KIF16B: variants seen among roughly 807,000 people sequenced by gnomAD.
KIF16B encodes kinesin-like protein KIF16B.
In KIF16B, 98 loss-of-function variants were observed where a neutral mutation model predicts 156.3. The observed-to-expected ratio is 0.63, with a 90% confidence interval of 0.53 to 0.74. KIF16B has a LOEUF of 0.74. KIF16B is among the 30% of genes least tolerant of loss of function. The pLI is 0.00. For synonymous variants in KIF16B, 564 were observed against 583.7 expected (o/e 0.97, Z 0.49); for missense variants, 1,421 against 1,606.5 (o/e 0.88, Z 1.97).
chr20:16,463,907 AAG>A (rs770600231), intron 12 of KIF16B, among the ~76,000 whole-genome samples: 4 of 152,166 alleles, frequency 2.6e-5, no homozygotes, highest in Non-Finnish European at 4.4e-5. Context: ...AAACATTTCA[AAG>A]ATTTGAGAAC....
intron 12 of KIF16B, among the ~76,000 whole-genome samples, chr20:16,474,916 C>T (rs976058835): frequency 1.3e-5 from 2 of 152,188 alleles, no homozygotes; most frequent in African/African-American, 4.8e-5. Flanking sequence ...TTAGCACCTG[C>T]AACAATTTAT....
intron 6 of KIF16B, among the ~76,000 whole-genome samples, chr20:16,508,401 C>T (rs1357556839): frequency 1.3e-5 from 2 of 152,172 alleles, no homozygotes; most frequent in Non-Finnish European, 2.9e-5. Context: ...CCACGGTCCC[C>T]AACTTTTTCA....
intron 12 of KIF16B, among the ~76,000 whole-genome samples, chr20:16,491,658 G>C (rs2068295138): frequency 6.6e-6 from 1 of 152,190 alleles, no homozygotes; most frequent in Admixed American, 6.5e-5. Flanking sequence ...CAGTGAGTCA[G>C]AAAGAGAACT....
At chr20:16,368,100 GC>G in intron 22 of KIF16B, 1 of 1,290,190 alleles carries the variant, frequency 7.8e-7, no homozygotes, top group South Asian at 1.8e-5. Context: ...CCTTCATGTT[GC>G]CCAAAGGTTC....
chr20:16,381,786 A>G (rs2065103293), intron 17 of KIF16B, 39 bp from the exon 18 acceptor site: 1 of 1,526,316 alleles, frequency 6.6e-7, no homozygotes, highest in South Asian at 1.1e-5. Context: ...TTTTCTAAAG[A>G]GCTTTTCTAT....
chr20:16,379,268 G>C lies in KIF16B; in HGVS notation c.2734C>G (p.Leu912Val). Residue 912 changes from leucine (L) to valine (V), a missense_variant, in exon 19 of 26, where the codon CTC becomes GTC. By Grantham distance (32) the Leu-to-Val change is conservative (BLOSUM62 1). Coordinates refer to ENST00000354981, the MANE Select transcript of KIF16B (RefSeq NM_024704.5). ...LQYKERQLQYLLQNHLPTLLE... is the reference protein window; with the variant it reads ...LQYKERQLQYVLQNHLPTLLE... ...AGAGTTGGCAAGTGATTCTGCAGGA[G>C]GTACTGTAGCTGGCGTTCTTTATAT... is the stretch of plus-strand genomic sequence containing the variant. The C allele has an allele frequency of 6.2e-7, 1 of 1,613,926 alleles. No individual in the cohort carries two copies. Among genetic ancestry groups the C allele is most frequent in the Non-Finnish European group, 8.5e-7 (1 of 1,180,016 alleles).
chr20:16,328,297 C>A (rs1601580180), intron 24 of KIF16B, among the ~76,000 whole-genome samples: 1 of 152,034 alleles, frequency 6.6e-6, no homozygotes, highest in African/African-American at 2.4e-5. Flanking sequence ...AGGGAACTCC[C>A]TAGGGATGTG....
At chr20:16,508,824 A>G (rs2068868523) in intron 6 of KIF16B, among the ~76,000 whole-genome samples, 1 of 152,232 alleles carries the variant, frequency 6.6e-6, no homozygotes, top group African/African-American at 2.4e-5. Flanking sequence ...ATGCAAAAGC[A>G]CTGCCTTCAT....
At chr20:16,554,220 C>G (rs1008083841) in intron 1 of KIF16B, among the ~76,000 whole-genome samples, 2 of 152,288 alleles carry the variant, frequency 1.3e-5, no homozygotes, top group Non-Finnish European at 2.9e-5. Context: ...TTGCCGGGCC[C>G]ACCCATAGCC....
At chr20:16,318,089 C>G (rs747322225) in intron 24 of KIF16B, among the ~76,000 whole-genome samples, 4 of 151,974 alleles carry the variant, frequency 2.6e-5, no homozygotes, top group Non-Finnish European at 4.4e-5. Flanking sequence ...CATAGCTGCC[C>G]TCCTCCTCCC....
intron 22 of KIF16B, chr20:16,368,838 A>G (rs922049423): frequency 4.5e-5 from 44 of 985,820 alleles, no homozygotes; most frequent in Non-Finnish European, 5.3e-5. Flanking sequence ...CTTGGGACGT[A>G]TGTTGCAGCA....
intron 23 of KIF16B, among the ~76,000 whole-genome samples, chr20:16,349,088 C>T (rs2064287294): frequency 6.6e-6 from 1 of 152,216 alleles, no homozygotes; most frequent in Non-Finnish European, 1.5e-5. Context: ...TGCCTGCTTC[C>T]TTTCATGGAG....
chr20:16,396,603 CAG>C (rs1228908967), intron 17 of KIF16B, among the ~76,000 whole-genome samples: 4 of 148,292 alleles, frequency 2.7e-5, no homozygotes, highest in African/African-American at 1.0e-4. Flanking sequence ...GTGGAAGAAA[CAG>C]AGGTATGGGC....
At chr20:16,274,043 G>A (rs938315733) in intron 25 of KIF16B, among the ~76,000 whole-genome samples, 3 of 145,868 alleles carry the variant, frequency 2.1e-5, no homozygotes. Flanking sequence ...TTTCCTCCCC[G>A]CTCCCAGTTA....
At chr20:16,313,039 T>C (rs2063644635) in intron 24 of KIF16B, among the ~76,000 whole-genome samples, 1 of 152,214 alleles carries the variant, frequency 6.6e-6, no homozygotes, top group South Asian at 2.1e-4. Context: ...TTTCATAGTA[T>C]TTCTCTTATG....
chr20:16,311,840 A>G (rs965658483), intron 25 of KIF16B, among the ~76,000 whole-genome samples: 6 of 152,246 alleles, frequency 3.9e-5, no homozygotes, highest in Non-Finnish European at 8.8e-5. Flanking sequence ...CTTGTGTTAA[A>G]CCAGAGTTCT....
chr20:16,425,178 C>T (rs183972659), intron 15 of KIF16B, among the ~76,000 whole-genome samples: 8 of 152,174 alleles, frequency 5.3e-5, no homozygotes, highest in Non-Finnish European at 8.8e-5. Flanking sequence ...GAGGAAAGCA[C>T]AAGATGAGTC....
At chr20:16,514,112 C>G (rs145020324) in intron 4 of KIF16B, among the ~76,000 whole-genome samples, 11 of 152,222 alleles carry the variant, frequency 7.2e-5, no homozygotes, top group African/African-American at 1.7e-4. Flanking sequence ...GAGAAAAACA[C>G]TTGTAATTTG....
At chr20:16,308,918 C>T (rs2063579026) in intron 25 of KIF16B, among the ~76,000 whole-genome samples, 1 of 152,250 alleles carries the variant, frequency 6.6e-6, no homozygotes, top group African/African-American at 2.4e-5. Context: ...TCTGCCAACA[C>T]ATGTCTCCCA....
Sources: allele counts gnomAD v4.1 joint callset (sites outside exome capture counted in the v4.1 genomes callset), GRCh38; gene constraint gnomAD v4.1.1; transcripts MANE v1.5; gene names NCBI Gene and HGNC (gene_info 2026-07-23, HGNC 2026-07-21).